The following FAM3B variants were observed in gnomAD, a reference collection of about 807,000 sequenced individuals.
FAM3B encodes the protein protein FAM3B.
FAM3B carries 29 observed loss-of-function variants against 28.4 expected under a neutral mutation model. The ratio of observed to expected loss-of-function variants is 1.02; its 90% CI spans 0.76 to 1.39. The LOEUF is 1.39. FAM3B is among the 40% of genes most tolerant of loss of function. The pLI is 0.00. For synonymous variants in FAM3B, 91 were observed against 103.0 expected (o/e 0.88, Z 0.71); for missense variants, 266 against 293.9 (o/e 0.91, Z 0.69).
At chr21:41,352,141 A>C (rs150792852) in intron 7 of FAM3B, among the ~76,000 whole-genome samples, 2 of 152,024 alleles carry the variant, frequency 1.3e-5, no homozygotes, top group Admixed American at 1.3e-4. Context: ...AGCCCCTCCC[A>C]TGCTTTGTGT....
At chr21:41,311,223 A>G in intron 1 of FAM3B, among the ~76,000 whole-genome samples, 1 of 119,336 alleles carries the variant, frequency 8.4e-6, no homozygotes. Context: ...AACATGACAA[A>G]ACCCTGTCTC....
intron 7 of FAM3B, among the ~76,000 whole-genome samples, chr21:41,349,136 T>TTGC (rs893610392): frequency 3.9e-5 from 6 of 152,198 alleles, no homozygotes; most frequent in East Asian, 1.9e-4. Context: ...CTGGCTTCCA[T>TTGC]TGCTGCTGCT....
intron 7 of FAM3B, among the ~76,000 whole-genome samples, chr21:41,350,337 C>G (rs1468526127): frequency 6.6e-6 from 1 of 152,186 alleles, no homozygotes; most frequent in Non-Finnish European, 1.5e-5. Flanking sequence ...TTGAGAATGT[C>G]CAGGCTTTAT....
At chr21:41,323,851 A>G (rs571562575) in intron 2 of FAM3B, among the ~76,000 whole-genome samples, 3 of 152,220 alleles carry the variant, frequency 2.0e-5, no homozygotes, top group Non-Finnish European at 4.4e-5. Flanking sequence ...GTTTGGGAGC[A>G]TCATGACTTA....
chr21:41,339,413 G>A (rs1377058699), intron 3 of FAM3B, among the ~76,000 whole-genome samples: 1 of 152,176 alleles, frequency 6.6e-6, no homozygotes, highest in Non-Finnish European at 1.5e-5. Flanking sequence ...TCCTTAATGG[G>A]ATGTGGTATT....
chr21:41,344,325 G>A (rs1368623661), intron 3 of FAM3B, 151 bp from the exon 4 acceptor site: 4 of 660,106 alleles, frequency 6.1e-6, no homozygotes, highest in East Asian at 2.7e-5. Flanking sequence ...TGGGGGTGGC[G>A]GTCTCGGGAG....
intron 1 of FAM3B, chr21:41,319,326 CTT>C (rs1446411599): frequency 6.6e-6 from 1 of 152,210 alleles, no homozygotes; most frequent in Non-Finnish European, 1.5e-5. Context: ...AGGTGAGTCT[CTT>C]AGGAGAAAGT....
intron 3 of FAM3B, among the ~76,000 whole-genome samples, chr21:41,342,991 G>GT (rs1368408388): frequency 6.6e-6 from 1 of 152,176 alleles, no homozygotes; most frequent in African/African-American, 2.4e-5. Context: ...AGCAGAACAG[G>GT]ATGACCTGAA....
At chr21:41,304,445 C>T in intron 1 of FAM3B, 1 of 361,964 alleles carries the variant, frequency 2.8e-6, no homozygotes, top group Non-Finnish European at 5.4e-6. Flanking sequence ...GGCGGTTTCC[C>T]ACGTGCCCAG....
intron 7 of FAM3B, among the ~76,000 whole-genome samples, chr21:41,351,687 C>T (rs555543907): frequency 2.9e-4 from 44 of 152,358 alleles, no homozygotes; most frequent in Admixed American, 2.6e-4. Context: ...CCCATGTTCA[C>T]TCCCACTCCA....
intron 3 of FAM3B, among the ~76,000 whole-genome samples, chr21:41,339,419 G>A (rs186715079): frequency 7.9e-4 from 120 of 152,264 alleles, no homozygotes; most frequent in Middle Eastern, 3.4e-3. Flanking sequence ...ATGGGATGTG[G>A]TATTTAGAAA....
chr21:41,326,466 A>G lies in FAM3B; in HGVS notation c.163+3400A>G, dbSNP rs978314274. 6.6e-6 allele frequency among the ~76,000 whole-genome samples: 1 copy of G among 152,196 alleles called. No homozygotes were observed. The highest frequency in any genetic ancestry group is 6.5e-5 in the Admixed American group (1 of 15,284). The stretch of plus-strand genomic sequence containing the variant: ...TAAAGCCACATACTCCCTGGAGGAT[A>G]TGAGGCACATCAAACACCTCCCTTC... On this transcript the variant is annotated intron_variant, in intron 2 of 7. Transcript: ENST00000357985. The surrounding 1 kb of genome is among the most constrained non-coding windows in gnomAD (Gnocchi z 4.0).
chr21:41,330,686 G>A (rs1002140570), intron 2 of FAM3B, among the ~76,000 whole-genome samples: 6 of 152,324 alleles, frequency 3.9e-5, no homozygotes, highest in African/African-American at 1.2e-4. Flanking sequence ...GTGAGAACAC[G>A]TGGTAGTTGT....
At chr21:41,317,255 C>A (rs1955434390) in intron 1 of FAM3B, among the ~76,000 whole-genome samples, 1 of 149,918 alleles carries the variant, frequency 6.7e-6, no homozygotes, top group African/African-American at 2.4e-5. Flanking sequence ...CCCGCACCCC[C>A]ACCCCCCACC....
chr21:41,345,857 C>A, intron 5 of FAM3B, 121 bp downstream of exon 5: 2 of 686,372 alleles, frequency 2.9e-6, no homozygotes, highest in Non-Finnish European at 5.3e-6. Context: ...CAGCAGCTCT[C>A]CTGAGTAATC....
At chr21:41,356,745 G>C (rs1257683114) in intron 7 of FAM3B, among the ~76,000 whole-genome samples, 2 of 152,128 alleles carry the variant, frequency 1.3e-5, no homozygotes, top group African/African-American at 4.8e-5. Flanking sequence ...GTGTTCAATA[G>C]ATCATTAGAG....
At chr21:41,323,547 G>C (rs980177623) in intron 2 of FAM3B, among the ~76,000 whole-genome samples, 2 of 152,238 alleles carry the variant, frequency 1.3e-5, no homozygotes, top group Non-Finnish European at 2.9e-5. Flanking sequence ...GAAAGGCCCA[G>C]CTCTCTGTAG....
rs1405520463 is a variant in FAM3B at position 41,326,247 on chromosome 21, C to T, written c.163+3181C>T. On this transcript the variant is annotated intron_variant, in intron 2 of 7. Transcript: ENST00000357985. The surrounding 1 kb of genome is among the most constrained non-coding windows in gnomAD (Gnocchi z 4.0). ...TGTGTTTTCCCAGGAGCTGTGTCCA[C>T]CCTCCAATCCCACACTGAGTTAGGA... Among the ~76,000 whole-genome samples, 1 of 152,214 alleles carries T rather than the reference C, an allele frequency of 6.6e-6. No individual in the cohort carries two copies. The highest frequency in any genetic ancestry group is 1.9e-4 in the East Asian group (1 of 5,196).
At chr21:41,327,930 A>G (rs945344610) in intron 2 of FAM3B, among the ~76,000 whole-genome samples, 1 of 152,190 alleles carries the variant, frequency 6.6e-6, no homozygotes, top group African/African-American at 2.4e-5. Context: ...CAGCATGCAC[A>G]GTGGGTCCGT....
Sources: allele counts gnomAD v4.1 joint callset (sites outside exome capture counted in the v4.1 genomes callset), GRCh38; gene constraint gnomAD v4.1.1; non-coding constraint Gnocchi (gnomAD v3.1); transcripts MANE v1.5; gene names NCBI Gene and HGNC (gene_info 2026-07-23, HGNC 2026-07-21).